TMEM87B: variants seen among roughly 807,000 people sequenced by gnomAD.
TMEM87B encodes transmembrane protein 87B.
A neutral mutation model predicts 80.3 loss-of-function variants in TMEM87B; 83 were observed. That is an observed-to-expected ratio of 1.03 (90% CI 0.87 to 1.24). The LOEUF (loss-of-function observed/expected upper bound fraction) is 1.24. Among genes scored for constraint, TMEM87B ranks in the 50% most tolerant of loss-of-function variants. TMEM87B has a pLI of 0.00. For synonymous variants in TMEM87B, 219 were observed against 230.5 expected, an observed-to-expected ratio of 0.95 and a Z score of 0.45; for missense variants, 625 against 674.4, an observed-to-expected ratio of 0.93 and a Z score of 0.81.
Position 112,055,476 on chromosome 2 carries a change from C to A in TMEM87B, c.-116C>A. The A allele has an allele frequency of 8.0e-7, 1 of 1,250,480 alleles. No homozygotes were observed. The highest frequency in any genetic ancestry group is 1.0e-6 in the Non-Finnish European group (1 of 954,742). 77.5% of individuals were successfully genotyped at this position (1,250,480 alleles called of 1,614,324 possible). A position where few individuals can be genotyped will look rare whatever the true frequency, so the allele number is the denominator to read the frequency against. The stretch of plus-strand genomic sequence containing the variant: ...CAGGCCCAAGCGCGAGCCCCTCCTC[C>A]ACACCCGAGTCCGAGCCCCGCGTCC... On this transcript the variant is annotated 5_prime_UTR_variant, in exon 1 of 19. Coordinates refer to ENST00000283206, the MANE Select transcript of TMEM87B (RefSeq NM_032824.3).
chr2:112,101,360 A>G (rs1465355426), intron 15 of TMEM87B, among the ~76,000 whole-genome samples: 3 of 152,208 alleles, frequency 2.0e-5, no homozygotes, highest in Non-Finnish European at 2.9e-5. Flanking sequence ...TCTAAAAGTA[A>G]TTACTTTGAA....
chr2:112,082,667 T>G (rs1053602220), intron 8 of TMEM87B, among the ~76,000 whole-genome samples: 1 of 152,028 alleles, frequency 6.6e-6, no homozygotes, highest in African/African-American at 2.4e-5. Context: ...GGTGTGTGTG[T>G]GTGTGTGTGC....
At position 112,069,771 on chromosome 2, in the gene TMEM87B, C is replaced by T. The variant is rs76453294; in HGVS notation, c.450+2704C>T. Among the ~76,000 whole-genome samples, 593 of 152,288 alleles carry T rather than the reference C, an allele frequency of 3.9e-3. 1 individual carries two copies. The highest frequency in any genetic ancestry group is 6.8e-3 in the Middle Eastern group (2 of 294). ...ACACCGCTTTCCACAATGGGTGAAC[C>T]AATTTGTACTCCCACCAGCAGTGTA... On this transcript the variant is annotated intron_variant, in intron 4 of 18. Coordinates refer to ENST00000283206, the MANE Select transcript of TMEM87B (RefSeq NM_032824.3).
chr2:112,055,864 C>T (rs1280944061), intron 1 of TMEM87B, 108 bp downstream of exon 1: 10 of 1,333,308 alleles, frequency 7.5e-6, no homozygotes, highest in Middle Eastern at 2.1e-4. Context: ...CGGGTCAGCA[C>T]CGGGTCCCCT....
intron 5 of TMEM87B, 72 bp downstream of exon 5, chr2:112,075,034 A>T: frequency 6.6e-7 from 1 of 1,521,474 alleles, no homozygotes; most frequent in South Asian, 1.2e-5. Flanking sequence ...TCGCTGATGG[A>T]TAGATACTTA....
intron 17 of TMEM87B, 99 bp downstream of exon 17, chr2:112,107,939 T>A (rs1222420067): frequency 2.7e-6 from 2 of 741,626 alleles, no homozygotes; most frequent in Non-Finnish European, 4.4e-6. Flanking sequence ...ACCTCGTACT[T>A]GCATGTACTT....
At chr2:112,055,816 G>A in intron 1 of TMEM87B, 60 bp downstream of exon 1, 1 of 1,436,438 alleles carries the variant, frequency 7.0e-7, no homozygotes, top group Non-Finnish European at 9.1e-7. Flanking sequence ...CCGTCGTGCG[G>A]CTTCGCTTGA....
chr2:112,067,067 T>C lies in TMEM87B; in HGVS notation c.450T>C (p.Asn150=). 6.2e-7 allele frequency: 1 copy of C among 1,609,790 alleles called. No homozygotes were observed. The highest frequency in any genetic ancestry group is 8.5e-7 in the Non-Finnish European group (1 of 1,178,874). ...ATTCACAGGTGTTTCCCTCTTTGAA[T>C]GTGAGTATCTGACTTGCCATGTTAA... ...NSDSQVFPSL[N]NKELINIRNV... Residue 150 remains asparagine, a splice_region_variant and synonymous_variant, in exon 4 of 19, where the codon AAT becomes AAC. Coordinates refer to ENST00000283206, the MANE Select transcript of TMEM87B (RefSeq NM_032824.3).
chr2:112,081,075 G>C lies in TMEM87B; in HGVS notation c.611G>C (p.Gly204Ala). The change falls in exon 7 of 19, where the codon GGG becomes GCG. Residue 204 changes from glycine (G) to alanine (A), a missense_variant. By Grantham distance (60) the Gly-to-Ala change is moderately conservative. Coordinates refer to ENST00000283206, the MANE Select transcript of TMEM87B (RefSeq NM_032824.3). ...WNLNVSLSMI[G>A]PHGYISASDW... Reference sequence around the variant, plus strand: ...ATCCTAGTTTCTCTTTCTATGATTGGGCCTCATGGATATATCTCTGCATCA... The same window carrying C: ...ATCCTAGTTTCTCTTTCTATGATTGCGCCTCATGGATATATCTCTGCATCA... 2 of 1,612,126 alleles carry C rather than the reference G, an allele frequency of 1.2e-6. No individual in the cohort carries two copies. The highest frequency in any genetic ancestry group is 8.5e-7 in the Non-Finnish European group (1 of 1,179,244).
intron 8 of TMEM87B, among the ~76,000 whole-genome samples, chr2:112,082,657 GGTGT>G (rs141242420): frequency 0.028 from 4,156 of 150,016 alleles, 84 homozygotes; most frequent in African/African-American, 0.064. Flanking sequence ...AGTTTTTTAT[GGTGT>G]GTGTGTGTGT....
chr2:112,079,695 T>C (rs1276516865), intron 6 of TMEM87B, among the ~76,000 whole-genome samples: 1 of 152,184 alleles, frequency 6.6e-6, no homozygotes, highest in African/African-American at 2.4e-5. Flanking sequence ...ATACTGTTTT[T>C]TATAATGGCT....
At chr2:112,094,873 G>T (rs188714054) in intron 11 of TMEM87B, among the ~76,000 whole-genome samples, 61 of 151,842 alleles carry the variant, frequency 4.0e-4, no homozygotes, top group Admixed American at 7.9e-4. Context: ...AAAATGAAAT[G>T]TCTGCTTTTT....
At chr2:112,090,462 G>C (rs1356169119) in intron 10 of TMEM87B, among the ~76,000 whole-genome samples, 1 of 152,042 alleles carries the variant, frequency 6.6e-6, no homozygotes, top group African/African-American at 2.4e-5. Flanking sequence ...CTAGGCTGGG[G>C]TGCAGTGGTG....
intron 1 of TMEM87B, among the ~76,000 whole-genome samples, chr2:112,057,448 A>C (rs1029666357): frequency 6.6e-6 from 1 of 152,086 alleles, no homozygotes; most frequent in Non-Finnish European, 1.5e-5. Flanking sequence ...TAATTTTTAA[A>C]TTTTTTTGTA....
At position 112,076,045 on chromosome 2, in the gene TMEM87B, C is replaced by T. The variant is rs112928712; in HGVS notation, c.501+1083C>T. On this transcript the variant is annotated intron_variant, in intron 5 of 18. Transcript: ENST00000283206. The stretch of plus-strand genomic sequence containing the variant: ...TTTAGCTTATGTACTTAATCTGAGT[C>T]ATTTCTGACAATGTTATCTAACTTC... Among the ~76,000 whole-genome samples, 189 of 152,254 alleles carry T rather than the reference C, an allele frequency of 1.2e-3. 1 individual carries two copies. Among genetic ancestry groups the T allele is most frequent in the African/African-American group, 4.2e-3 (176 of 41,540 alleles).
At chr2:112,067,902 G>A (rs1050392080) in intron 4 of TMEM87B, among the ~76,000 whole-genome samples, 4 of 152,136 alleles carry the variant, frequency 2.6e-5, no homozygotes, top group Non-Finnish European at 5.9e-5. Flanking sequence ...CAGTGTGGGA[G>A]CTTAGATTCT....
In TMEM87B at chr2:112,073,317, A is replaced by G. The variant is rs182405608; in HGVS notation, c.451-1595A>G. ...GGTATGTTGTATCTTTGTTCTCATT[A>G]GTTTCAGAGAACTTCTTGATTTCTG... On this transcript the variant is annotated intron_variant, in intron 4 of 18. Coordinates refer to ENST00000283206, the MANE Select transcript of TMEM87B (RefSeq NM_032824.3). 2.6e-5 allele frequency among the ~76,000 whole-genome samples: 4 copies of G among 152,268 alleles called. No homozygotes were observed. The East Asian group carries it at 7.7e-4, about 29-fold the overall frequency.
intron 6 of TMEM87B, 47 bp from the exon 7 acceptor site, chr2:112,081,010 G>T (rs751174347): frequency 2.6e-6 from 4 of 1,538,790 alleles, no homozygotes; most frequent in Non-Finnish European, 3.6e-6. Context: ...TACATTTAAA[G>T]ATTTAAGACT....
chr2:112,108,660 CAT>C (rs1679835208), intron 17 of TMEM87B, among the ~76,000 whole-genome samples: 1 of 152,108 alleles, frequency 6.6e-6, no homozygotes. Flanking sequence ...TGTTCCTCCA[CAT>C]GTTATATGGG....
Sources: allele counts gnomAD v4.1 joint callset (sites outside exome capture counted in the v4.1 genomes callset), GRCh38; gene constraint gnomAD v4.1.1; transcripts MANE v1.5; gene names NCBI Gene and HGNC (gene_info 2026-07-23, HGNC 2026-07-21).